MPDZ: variants seen among roughly 807,000 people sequenced by gnomAD.
MPDZ encodes multiple PDZ domain crumbs cell polarity complex component.
MPDZ carries 234 observed loss-of-function variants against 239.1 expected under a neutral mutation model. The ratio of observed to expected loss-of-function variants is 0.98; its 90% confidence interval spans 0.88 to 1.09. The LOEUF (loss-of-function observed/expected upper bound fraction) is 1.09, where lower values mean the gene tolerates loss of function less well. MPDZ is among the 50% of genes least tolerant of loss of function. The pLI, the probability that MPDZ is intolerant of heterozygous loss-of-function variation, is 0.00. For synonymous variants in MPDZ, 1,048 were observed against 881.3 expected (o/e 1.19, Z -3.35); for missense variants, 3,175 against 2,510.0 (o/e 1.26, Z -5.66).
At chr9:13,226,152 G>A (rs561023038) in intron 3 of MPDZ, among the ~76,000 whole-genome samples, 8 of 152,052 alleles carry the variant, frequency 5.3e-5, no homozygotes, top group Non-Finnish European at 1.2e-4. Context: ...GGCAGCACTG[G>A]CAGTCTGGAG....
intron 13 of MPDZ, among the ~76,000 whole-genome samples, chr9:13,195,762 ATTTTG>A (rs1335435586): frequency 1.3e-5 from 2 of 152,172 alleles, no homozygotes; most frequent in Non-Finnish European, 2.9e-5. Context: ...GTCATGATAA[ATTTTG>A]TTTTATTTTT....
intron 1 of MPDZ, among the ~76,000 whole-genome samples, chr9:13,268,155 T>C (rs1347231645): frequency 6.7e-6 from 1 of 149,278 alleles, no homozygotes; most frequent in African/African-American, 2.5e-5. Context: ...AGGAAAATTA[T>C]ATATATATAT....
At chr9:13,121,653 A>G in intron 38 of MPDZ, 86 bp downstream of exon 38, 1 of 1,407,910 alleles carries the variant, frequency 7.1e-7, no homozygotes, top group Non-Finnish European at 1.0e-6. Flanking sequence ...CACTGATAAA[A>G]GATTCACCTA....
At chr9:13,211,763 T>A (rs1262755845) in intron 10 of MPDZ, among the ~76,000 whole-genome samples, 1 of 152,030 alleles carries the variant, frequency 6.6e-6, no homozygotes, top group African/African-American at 2.4e-5. Context: ...CAGGTAAGTT[T>A]TTAAGTAAAA....
At position 13,161,287 on chromosome 9, in the gene MPDZ, C is replaced by G. The variant is rs886207149; in HGVS notation, c.3359+1404G>C. Among the ~76,000 whole-genome samples, 6 of 151,978 alleles carry G rather than the reference C, an allele frequency of 3.9e-5. No homozygotes were observed. The East Asian group carries it at 1.2e-3, about 30-fold the overall frequency. On this transcript the variant is annotated intron_variant, in intron 23 of 46. Transcript: ENST00000319217. ...ACATCCTCTAAAGAATGGTACAACT[C>G]GACCAGGCATGGCGGCTCACGCTTA...
At chr9:13,236,368 C>G (rs374331237) in intron 3 of MPDZ, among the ~76,000 whole-genome samples, 29 of 146,946 alleles carry the variant, frequency 2.0e-4, no homozygotes, top group African/African-American at 7.3e-4. Flanking sequence ...ACCTCTGCCT[C>G]CCAGGTTCAA....
chr9:13,273,647 C>G (rs927529774), intron 1 of MPDZ, among the ~76,000 whole-genome samples: 2 of 151,922 alleles, frequency 1.3e-5, no homozygotes, highest in African/African-American at 4.8e-5. Flanking sequence ...ATCATGTGAG[C>G]CACATATGTA....
intron 1 of MPDZ, among the ~76,000 whole-genome samples, chr9:13,254,896 T>C (rs1969047296): frequency 6.6e-6 from 1 of 152,196 alleles, no homozygotes; most frequent in South Asian, 2.1e-4. Context: ...TGGTGGTTGC[T>C]GAAGGCTGTG....
rs772295384 is a variant in MPDZ, at chr9:13,136,175, CT to C, written c.4299del (p.Asp1434MetfsTer3). The part of the protein sequence containing the change: ...SKVKIIFIRN[K>X]DAVNQMAVCP... ...CATACGGCCATCTGATTCACTGCAT[CT>C]TTATTTCTAAAAGCAAAAAAACAAC... is the stretch of plus-strand genomic sequence containing the variant. On this transcript the variant is annotated frameshift_variant, in exon 31 of 47. Coordinates refer to ENST00000319217, the MANE Select transcript of MPDZ (RefSeq NM_001378778.1). LOFTEE classifies it high-confidence loss of function. 1 of 1,610,626 alleles carries C rather than the reference CT, an allele frequency of 6.2e-7. No homozygotes were observed. The highest frequency in any genetic ancestry group is 2.2e-5 in the East Asian group (1 of 44,744).
At chr9:13,206,871 G>A (rs1957064500) in intron 10 of MPDZ, among the ~76,000 whole-genome samples, 1 of 152,020 alleles carries the variant, frequency 6.6e-6, no homozygotes, top group South Asian at 2.1e-4. Flanking sequence ...TAGAGATGGG[G>A]TCTCCCTATG....
intron 1 of MPDZ, among the ~76,000 whole-genome samples, chr9:13,251,405 G>T (rs111767689): frequency 5.9e-5 from 9 of 152,088 alleles, no homozygotes; most frequent in Admixed American, 1.3e-4. Context: ...TGAAATACTG[G>T]ATACAGATCT....
chr9:13,223,523 C>A, intron 5 of MPDZ, 48 bp downstream of exon 5: 1 of 1,550,926 alleles, frequency 6.4e-7, no homozygotes, highest in South Asian at 1.3e-5. Context: ...TAACCAAAAC[C>A]TTCAGAATGT....
intron 19 of MPDZ, among the ~76,000 whole-genome samples, chr9:13,177,282 T>C (rs1043806735): frequency 1.3e-5 from 2 of 152,156 alleles, no homozygotes; most frequent in African/African-American, 4.8e-5. Flanking sequence ...CATATGAACA[T>C]ACTATTGCAT....
intron 3 of MPDZ, among the ~76,000 whole-genome samples, chr9:13,232,767 C>T (rs939483521): frequency 9.0e-5 from 13 of 144,266 alleles, no homozygotes; most frequent in African/African-American, 3.1e-4. Context: ...AAAATGGTTA[C>T]AATACAAATA....
At chr9:13,217,771 CA>C (rs1265268497) in intron 8 of MPDZ, among the ~76,000 whole-genome samples, 1 of 151,786 alleles carries the variant, frequency 6.6e-6, no homozygotes, top group Non-Finnish European at 1.5e-5. Context: ...GACCAGCTAC[CA>C]TTTATTGAGC....
chr9:13,277,358 C>T (rs1974462218), intron 1 of MPDZ, among the ~76,000 whole-genome samples: 1 of 152,118 alleles, frequency 6.6e-6, no homozygotes, highest in African/African-American at 2.4e-5. Flanking sequence ...ACACCATAAT[C>T]TATTAGTAAT....
chr9:13,108,154 A>G (rs554961184), intron 46 of MPDZ, among the ~76,000 whole-genome samples: 1 of 152,258 alleles, frequency 6.6e-6, no homozygotes, highest in East Asian at 1.9e-4. Flanking sequence ...CGTTTGACTA[A>G]GTTTTGTTTC....
At chr9:13,131,160 C>T (rs1291816061) in intron 32 of MPDZ, among the ~76,000 whole-genome samples, 1 of 152,082 alleles carries the variant, frequency 6.6e-6, no homozygotes. Flanking sequence ...CTGTTTCTTT[C>T]TCCCTTCTTT....
intron 28 of MPDZ, 163 bp downstream of exon 28, chr9:13,139,824 T>C: frequency 1.3e-6 from 1 of 796,022 alleles, no homozygotes; most frequent in Admixed American, 1.9e-5. Context: ...CTCAGGAATG[T>C]ATGCTGTATT....
Sources: gnomAD v4.1 joint callset for allele counts (sites outside exome capture counted in the v4.1 genomes callset) on GRCh38, gnomAD v4.1.1 for gene constraint, MANE v1.5 for transcripts, NCBI Gene and HGNC (gene_info 2026-07-23, HGNC 2026-07-21) for gene names.